The following VPS8 variants were observed in gnomAD, a reference collection of about 807,000 sequenced individuals.
The protein encoded by VPS8 is VPS8 subunit of CORVET complex, also known as vacuolar protein sorting-associated protein 8 homolog.
In VPS8, 129 loss-of-function variants were observed where a neutral mutation model predicts 216.4. The ratio of observed to expected loss-of-function variants is 0.60; its 90% CI spans 0.52 to 0.69. VPS8 has a LOEUF of 0.69. VPS8 is among the 30% of genes least tolerant of loss of function. VPS8 has a pLI of 0.00. For synonymous variants in VPS8, 571 were observed against 565.4 expected (o/e 1.01, Z -0.14); for missense variants, 1,531 against 1,683.5 (o/e 0.91, Z 1.59).
chr3:184,839,862 A>G (rs1721796635), intron 7 of VPS8, 110 bp downstream of exon 7: 18 of 1,447,948 alleles, frequency 1.2e-5, no homozygotes, highest in Non-Finnish European at 1.6e-5. Context: ...GAACAAAACC[A>G]GAAAAACTTG....
At chr3:184,840,974 G>A (rs1203134287) in intron 7 of VPS8, among the ~76,000 whole-genome samples, 1 of 152,074 alleles carries the variant, frequency 6.6e-6, no homozygotes. Context: ...GGTTTTGAAT[G>A]ATTTGGCTTA....
intron 23 of VPS8, among the ~76,000 whole-genome samples, chr3:184,896,436 T>G (rs950370537): frequency 1.3e-5 from 2 of 152,190 alleles, no homozygotes; most frequent in Non-Finnish European, 2.9e-5. Flanking sequence ...ACTTCTCCCC[T>G]TTTTCCTCCT....
rs1720253269 is a variant in VPS8, at chr3:184,832,677, C to T, written c.223-12C>T. 2.5e-6 allele frequency: 4 copies of T among 1,588,872 alleles called. No homozygotes were observed. The highest frequency in any genetic ancestry group is 2.2e-5 in the East Asian group (1 of 44,614). On this transcript the variant is annotated splice_polypyrimidine_tract_variant and intron_variant, in intron 3 of 47. Transcript: ENST00000625842. Reference sequence around the variant, plus strand: ...GATTTTGAATGTATTGATTTATCTTCTTCCAATTTAGACTGATGATGAAGA... The same window carrying T: ...GATTTTGAATGTATTGATTTATCTTTTTCCAATTTAGACTGATGATGAAGA...
In VPS8 at chr3:184,818,948, G is replaced by A. The variant is rs926872066; in HGVS notation, c.-88-5597G>A. ...TTGGGAGACGTGAAGTAGGAGGATCGCTTGAGGCCAGGAGTTTAAGGCTAA... is the reference window on the plus strand; with the variant it reads ...TTGGGAGACGTGAAGTAGGAGGATCACTTGAGGCCAGGAGTTTAAGGCTAA... On this transcript the variant is annotated intron_variant, in intron 1 of 47. Transcript: ENST00000625842. Among the ~76,000 whole-genome samples, 6 of 152,100 alleles carry A rather than the reference G, an allele frequency of 3.9e-5. No individual in the cohort carries two copies. The South Asian group carries it at 1.2e-3, about 32-fold the overall frequency.
intron 14 of VPS8, among the ~76,000 whole-genome samples, chr3:184,857,896 T>C (rs1338155380): frequency 6.6e-6 from 1 of 152,218 alleles, no homozygotes; most frequent in Non-Finnish European, 1.5e-5. Flanking sequence ...AGATCCCATG[T>C]TCATTTTACC....
chr3:184,885,485 T>C (rs1731040585), intron 21 of VPS8, among the ~76,000 whole-genome samples: 1 of 152,220 alleles, frequency 6.6e-6, no homozygotes, highest in Admixed American at 6.5e-5. Context: ...AAAAATATTA[T>C]GAAACTGAGA....
At chr3:184,859,912 G>A (rs1319755552) in intron 14 of VPS8, 73 bp from the exon 15 acceptor site, 1 of 1,060,292 alleles carries the variant, frequency 9.4e-7, no homozygotes, top group African/African-American at 1.6e-5. Context: ...ACTCTAGGTG[G>A]AGTATAATTA....
At chr3:184,850,505 G>C (rs556408467) in intron 10 of VPS8, among the ~76,000 whole-genome samples, 1 of 152,168 alleles carries the variant, frequency 6.6e-6, no homozygotes, top group Non-Finnish European at 1.5e-5. Context: ...ATTATGTTTA[G>C]AAATGAATCT....
In VPS8 at chr3:184,824,651, C is replaced by G; in HGVS notation, c.19C>G (p.His7Asp). Residue 7 changes from histidine to aspartate, a missense_variant, in exon 2 of 48, where the codon CAT (histidine) becomes GAT (aspartate). His to Asp is a moderately conservative substitution (Grantham distance 81). This residue lies in a region of VPS8 where 199 missense variants were observed against 182.2 expected (regional missense o/e 1.09). Transcript: ENST00000625842. MENEPD[H>D]ENVEQSLCAK... ...AGTAAATATGGAAAATGAACCAGAC[C>G]ATGAAAATGTGGAACAGAGCCTCTG... 6.2e-7 allele frequency: 1 copy of G among 1,613,592 alleles called. No homozygotes were observed. Among genetic ancestry groups the G allele is most frequent in the Admixed American group, 1.7e-5 (1 of 59,964 alleles).
chr3:184,889,564 G>C (rs1329578953), intron 22 of VPS8, among the ~76,000 whole-genome samples: 1 of 151,990 alleles, frequency 6.6e-6, no homozygotes. Flanking sequence ...GATTGTACTA[G>C]ATCCTGCCTC....
intron 8 of VPS8, 150 bp from the exon 9 acceptor site, chr3:184,848,921 G>T: frequency 2.6e-6 from 2 of 780,180 alleles, no homozygotes; most frequent in Non-Finnish European, 3.9e-6. Context: ...TCTGCTAGTT[G>T]CTCAATAAAT....
intron 46 of VPS8, among the ~76,000 whole-genome samples, chr3:185,024,685 A>G (rs1757110170): frequency 6.6e-6 from 1 of 152,146 alleles, no homozygotes; most frequent in Non-Finnish European, 1.5e-5. Flanking sequence ...TTCACAGGAA[A>G]GCTATATAGT....
intron 46 of VPS8, among the ~76,000 whole-genome samples, chr3:185,042,740 C>T (rs908664159): frequency 3.3e-5 from 5 of 152,170 alleles, no homozygotes; most frequent in Non-Finnish European, 7.3e-5. Flanking sequence ...CAAGGAGCTA[C>T]ATTCGTTCTC....
rs532827361 is a variant in VPS8, at chr3:185,004,658, T to C, written c.4002+4797T>C. 4.6e-5 allele frequency among the ~76,000 whole-genome samples: 7 copies of C among 152,350 alleles called. No individual in the cohort carries two copies. The East Asian group carries it at 1.2e-3, about 25-fold the overall frequency. ...TTTTTCATACATTTGGCCGTTTGTA[T>C]GTCTTCTTTTGAGAATTGTCTATTT... On this transcript the variant is annotated intron_variant, in intron 45 of 47. Transcript: ENST00000625842.
chr3:184,832,807 C>A lies in VPS8; in HGVS notation c.341C>A (p.Thr114Asn), dbSNP rs1577782245. The change falls in exon 4 of 48, where the codon ACC becomes AAC. Residue 114 changes from threonine (T) to asparagine (N), a missense_variant. Transcript: ENST00000625842. The stretch of plus-strand genomic sequence containing the variant: ...GCAAGCTCAGATAGTGGTGACAGGA[C>A]CAACTTAAAAAGGTAGGTATTCATG... The part of the protein sequence containing the change: ...SVASSDSGDR[T>N]NLKRKKKLPD... 1.9e-6 allele frequency: 3 copies of A among 1,608,076 alleles called. No homozygotes were observed. The highest frequency in any genetic ancestry group is 2.5e-6 in the Non-Finnish European group (3 of 1,177,140).
intron 22 of VPS8, among the ~76,000 whole-genome samples, chr3:184,891,904 C>G (rs1007278664): frequency 6.6e-6 from 1 of 152,072 alleles, no homozygotes; most frequent in South Asian, 2.1e-4. Context: ...CAAAGCAGCT[C>G]TTCACATTTA....
chr3:184,933,862 A>G (rs563129929), intron 34 of VPS8, among the ~76,000 whole-genome samples: 22 of 152,232 alleles, frequency 1.4e-4, no homozygotes, highest in African/African-American at 4.8e-4. Flanking sequence ...GTACCACACT[A>G]TATTTAATAT....
rs1443743942 is a variant in VPS8, at chr3:184,832,824, G to T, written c.353+5G>T. ...TGACAGGACCAACTTAAAAAGGTAG[G>T]TATTCATGTCAATCATACTTGCTTA... On this transcript the variant is annotated splice_donor_5th_base_variant and intron_variant, in intron 4 of 47. Coordinates refer to ENST00000625842, the MANE Select transcript of VPS8 (RefSeq NM_001009921.3). The T allele has an allele frequency of 6.2e-7, 1 of 1,604,558 alleles. No individual in the cohort carries two copies. Among genetic ancestry groups the T allele is most frequent in the Non-Finnish European group, 8.5e-7 (1 of 1,175,496 alleles).
At chr3:185,032,114 A>C (rs1391859565) in intron 46 of VPS8, among the ~76,000 whole-genome samples, 1 of 152,100 alleles carries the variant, frequency 6.6e-6, no homozygotes, top group African/African-American at 2.4e-5. Flanking sequence ...CAGTGAGCTG[A>C]GATTGCGCCA....
Sources: gnomAD v4.1 joint callset for allele counts (sites outside exome capture counted in the v4.1 genomes callset) on GRCh38, gnomAD v4.1.1 for gene constraint, gnomAD v4.1.1 regional missense constraint, MANE v1.5 for transcripts, NCBI Gene and HGNC (gene_info 2026-07-23, HGNC 2026-07-21) for gene names.